ESRRG: variants seen among roughly 807,000 people sequenced by gnomAD.
The protein encoded by ESRRG is estrogen-related receptor gamma.
ESRRG carries 13 observed loss-of-function variants against 44.0 expected under a neutral mutation model. The observed-to-expected ratio is 0.30, with a 90% confidence interval of 0.19 to 0.47. The LOEUF is 0.47. ESRRG is among the 20% of genes least tolerant of loss of function. The pLI is 1.00. For synonymous variants in ESRRG, 215 were observed against 214.6 expected, an observed-to-expected ratio of 1.00 and a Z score of -0.02; for missense variants, 395 against 580.6, an observed-to-expected ratio of 0.68 and a Z score of 3.29.
chr1:216,847,396 T>C (rs1044570268), intron 2 of ESRRG, among the ~76,000 whole-genome samples: 1 of 152,174 alleles, frequency 6.6e-6, no homozygotes, highest in Non-Finnish European at 1.5e-5. Flanking sequence ...TTTAAATATG[T>C]TCTCAAGAGA....
intron 2 of ESRRG, among the ~76,000 whole-genome samples, chr1:216,829,955 T>A (rs551692547): frequency 6.6e-6 from 1 of 152,212 alleles, no homozygotes; most frequent in Non-Finnish European, 1.5e-5. Flanking sequence ...AACTTGACAA[T>A]GCACAAACTG....
chr1:216,744,568 A>C (rs574789465), intron 2 of ESRRG, among the ~76,000 whole-genome samples: 17 of 152,290 alleles, frequency 1.1e-4, no homozygotes, highest in Admixed American at 3.3e-4. Context: ...CACAGATTTC[A>C]GGCAAAAACT....
At chr1:216,674,661 A>C (rs1269596668) in intron 2 of ESRRG, among the ~76,000 whole-genome samples, 1 of 133,100 alleles carries the variant, frequency 7.5e-6, no homozygotes, top group African/African-American at 2.8e-5. Context: ...CTGTCACCCC[A>C]GGCTGGAGTG....
chr1:216,666,088 A>T (rs1397815222), intron 2 of ESRRG, among the ~76,000 whole-genome samples: 2 of 152,296 alleles, frequency 1.3e-5, no homozygotes, highest in East Asian at 3.9e-4. Context: ...ATACCTCATG[A>T]GTTACCTAAC....
chr1:216,693,147 G>A (rs766126140), intron 1 of ESRRG, among the ~76,000 whole-genome samples: 13 of 152,170 alleles, frequency 8.5e-5, no homozygotes, highest in South Asian at 6.2e-4. Context: ...AGTACAATTC[G>A]GTTATTATTT....
intron 2 of ESRRG, among the ~76,000 whole-genome samples, chr1:216,775,363 G>A (rs145772173): frequency 8.6e-4 from 131 of 151,464 alleles, no homozygotes; most frequent in African/African-American, 2.7e-3. Flanking sequence ...TGAGCTCTTC[G>A]ACCATATAAC....
intron 2 of ESRRG, among the ~76,000 whole-genome samples, chr1:216,756,413 C>T (rs777123551): frequency 1.3e-5 from 2 of 151,868 alleles, no homozygotes; most frequent in African/African-American, 2.4e-5. Context: ...TTTTAACCAG[C>T]CAGGCATTCC....
chr1:216,934,709 C>T (rs1247572392), intron 2 of ESRRG, among the ~76,000 whole-genome samples: 2 of 152,114 alleles, frequency 1.3e-5, no homozygotes, highest in African/African-American at 2.4e-5. Context: ...CATGGTCCCT[C>T]CCACAACACA....
chr1:216,592,779 C>T (rs1014691774), intron 3 of ESRRG, among the ~76,000 whole-genome samples: 3 of 152,076 alleles, frequency 2.0e-5, no homozygotes, highest in Non-Finnish European at 4.4e-5. Flanking sequence ...GAATTACAGG[C>T]GTGAGCCACC....
rs397958205 is a variant in ESRRG at position 216,696,970 on chromosome 1, CT to C, written c.57-19480del. Among the ~76,000 whole-genome samples the C allele has an allele frequency of 5.8e-3, 836 of 144,640 alleles. 3 individuals are homozygous for C. Among genetic ancestry groups the C allele is most frequent in the African/African-American group, 0.016 (638 of 39,754 alleles). The allele number at this position is 144,640 out of a possible 152,430, so 94.9% of individuals were successfully genotyped here. ...ACTACAAATTTGTAGAATAAAATAT[CT>C]TTTTTTTTTTTTGAGACAGAGTCTC... On this transcript the variant is annotated intron_variant, in intron 1 of 6. Transcript: ENST00000408911.
intron 1 of ESRRG, among the ~76,000 whole-genome samples, chr1:217,121,598 G>A (rs940955790): frequency 6.6e-6 from 1 of 152,212 alleles, no homozygotes; most frequent in Admixed American, 6.5e-5. Context: ...AATGACTGGA[G>A]ATAGAAAGGA....
At chr1:217,066,137 T>G (rs1484700855) in intron 1 of ESRRG, among the ~76,000 whole-genome samples, 8 of 152,350 alleles carry the variant, frequency 5.3e-5, no homozygotes, top group African/African-American at 1.7e-4. Flanking sequence ...TTGTTAAATG[T>G]GGCTCAATTA....
chr1:217,088,398 C>CTTTTTTT lies in ESRRG; in HGVS notation c.-106+1102_-106+1108dup, dbSNP rs71585811. On this transcript the variant is annotated intron_variant, in intron 1 of 7. Transcript: ENST00000359162. ...TGCTGAGAATTTCTTTTTTTCCTGT[C>CTTTTTTT]TTTTTTTTTTTTTTTTTTTTTTTTT... Among the ~76,000 whole-genome samples, 33 of 59,736 alleles carry CTTTTTTT rather than the reference C, an allele frequency of 5.5e-4. 3 individuals are homozygous for CTTTTTTT. Among genetic ancestry groups the CTTTTTTT allele is most frequent in the African/African-American group, 1.2e-3 (17 of 13,782 alleles). The allele number at this position is 59,736 out of a possible 152,430, so 39.2% of individuals were successfully genotyped here.
At chr1:216,806,757 T>A (rs2148399043) in intron 2 of ESRRG, among the ~76,000 whole-genome samples, 1 of 152,278 alleles carries the variant, frequency 6.6e-6, no homozygotes. Context: ...TTCTTTGGGG[T>A]CTCACATGTT....
intron 3 of ESRRG, among the ~76,000 whole-genome samples, chr1:216,607,625 C>G (rs1026794088): frequency 6.6e-6 from 1 of 152,130 alleles, no homozygotes; most frequent in East Asian, 1.9e-4. Context: ...TAACCACAAC[C>G]TGAATATTAC....
chr1:216,851,272 A>T lies in ESRRG; in HGVS notation c.-14+88310T>A, dbSNP rs191976970. Among the ~76,000 whole-genome samples, 1,356 of 152,222 alleles carry T rather than the reference A, an allele frequency of 8.9e-3. 10 individuals carry two copies. The highest frequency in any genetic ancestry group is 0.012 in the Non-Finnish European group (842 of 68,020). On this transcript the variant is annotated intron_variant, in intron 2 of 7. Coordinates refer to the ESRRG transcript ENST00000359162. The stretch of plus-strand genomic sequence containing the variant: ...TAAAAGCTGTGTGCTTTGAGTCAGC[A>T]GACCTGAAACCAACAAGATGCATGT...
At chr1:217,062,071 T>A (rs2088629315) in intron 1 of ESRRG, among the ~76,000 whole-genome samples, 1 of 152,150 alleles carries the variant, frequency 6.6e-6, no homozygotes, top group Admixed American at 6.5e-5. Flanking sequence ...CAGCACTGCC[T>A]TGTTTAGCAA....
chr1:216,907,117 T>C (rs2059768749), intron 2 of ESRRG, among the ~76,000 whole-genome samples: 1 of 152,182 alleles, frequency 6.6e-6, no homozygotes, highest in Admixed American at 6.5e-5. Flanking sequence ...TACTCTACGT[T>C]GTAAACTGCT....
intron 1 of ESRRG, among the ~76,000 whole-genome samples, chr1:217,038,309 A>AG (rs2083274649): frequency 6.6e-6 from 1 of 152,198 alleles, no homozygotes; most frequent in Non-Finnish European, 1.5e-5. Context: ...TATGAAATCT[A>AG]GGGGGAGGTT....
Sources: allele counts gnomAD v4.1 joint callset (sites outside exome capture counted in the v4.1 genomes callset), GRCh38; gene constraint gnomAD v4.1.1; transcripts MANE v1.5; gene names NCBI Gene and HGNC (gene_info 2026-07-23, HGNC 2026-07-21).